PCDHGA3: variants seen among roughly 807,000 people sequenced by gnomAD.
PCDHGA3 encodes protocadherin gamma-A3.
In PCDHGA3, 40 loss-of-function variants were observed where a neutral mutation model predicts 58.5. The ratio of observed to expected loss-of-function variants is 0.68; its 90% CI spans 0.53 to 0.89. The LOEUF (loss-of-function observed/expected upper bound fraction) is 0.89. Among genes scored for constraint, PCDHGA3 ranks in the 40% least tolerant of loss-of-function variants. PCDHGA3 has a pLI of 0.00. For synonymous variants in PCDHGA3, 530 were observed against 525.7 expected (o/e 1.01, Z -0.11); for missense variants, 1,223 against 1,195.9 (o/e 1.02, Z -0.33).
chr5:141,445,188 G>A (rs1267342449), intron 1 of PCDHGA3, among the ~76,000 whole-genome samples: 5 of 152,198 alleles, frequency 3.3e-5, no homozygotes, highest in South Asian at 2.1e-4. Flanking sequence ...ATGTTTTTAT[G>A]TATTCTATAT....
intron 1 of PCDHGA3, chr5:141,384,060 A>G (rs1453253478): frequency 6.2e-7 from 1 of 1,609,266 alleles, no homozygotes; most frequent in Non-Finnish European, 8.5e-7. Context: ...GCACCATTCC[A>G]GAAAACCTAC....
chr5:141,353,389 T>C (rs1759266396), intron 1 of PCDHGA3, among the ~76,000 whole-genome samples: 1 of 152,234 alleles, frequency 6.6e-6, no homozygotes, highest in East Asian at 1.9e-4. Flanking sequence ...AATGTAATTA[T>C]GTAATTAATG....
chr5:141,463,910 A>G (rs2099071862), intron 1 of PCDHGA3, among the ~76,000 whole-genome samples: 1 of 152,178 alleles, frequency 6.6e-6, no homozygotes, highest in Admixed American at 6.5e-5. Flanking sequence ...CTAATAATAT[A>G]TCCTGGAAAT....
intron 1 of PCDHGA3, chr5:141,414,536 C>T (rs2095757034): frequency 6.2e-7 from 1 of 1,613,976 alleles, no homozygotes; most frequent in African/African-American, 1.3e-5. Context: ...GACAACCCAC[C>T]TACCTTCTCT....
intron 1 of PCDHGA3, chr5:141,421,587 G>A: frequency 1.2e-6 from 2 of 1,613,900 alleles, no homozygotes; most frequent in South Asian, 1.1e-5. Context: ...TTTACGGAGT[G>A]GAGGTGGAAA....
At position 141,414,415 on chromosome 5, in the gene PCDHGA3, C is replaced by T. The variant is rs769791452; in HGVS notation, c.2424+67958C>T. ...TTACAGATTGGTGATACACAGAGCC[C>T]TTGACAGGGAACAGGTATCCTCTTA... On this transcript the variant is annotated intron_variant, in intron 1 of 3. Coordinates refer to ENST00000253812, the MANE Select transcript of PCDHGA3 (RefSeq NM_018916.4). The T allele has an allele frequency of 2.5e-6, 4 of 1,613,758 alleles. No individual in the cohort carries two copies. Among genetic ancestry groups the T allele is most frequent in the Non-Finnish European group, 8.5e-7 (1 of 1,179,880 alleles).
At position 141,390,009 on chromosome 5, in the gene PCDHGA3, A is replaced by G. The variant is rs200734314; in HGVS notation, c.2424+43552A>G. The G allele has an allele frequency of 4.0e-3, 6,510 of 1,613,890 alleles. 27 individuals carry two copies. Among genetic ancestry groups the G allele is most frequent in the Non-Finnish European group, 4.8e-3 (5,639 of 1,179,872 alleles). ...CTTCCTCGTGGCCATGATTCTGGCCATTGCCTTGCGCCTGCGACGCTCCTC... is the reference window on the plus strand; with the variant it reads ...CTTCCTCGTGGCCATGATTCTGGCCGTTGCCTTGCGCCTGCGACGCTCCTC... On this transcript the variant is annotated intron_variant, in intron 1 of 3. Coordinates refer to ENST00000253812, the MANE Select transcript of PCDHGA3 (RefSeq NM_018916.4).
chr5:141,432,449 T>C lies in PCDHGA3; in HGVS notation c.2425-62358T>C. 5.6e-6 allele frequency: 9 copies of C among 1,614,220 alleles called. No individual in the cohort carries two copies. The highest frequency in any genetic ancestry group is 7.6e-6 in the Non-Finnish European group (9 of 1,180,038). On this transcript the variant is annotated intron_variant, in intron 1 of 3. Coordinates refer to ENST00000253812, the MANE Select transcript of PCDHGA3 (RefSeq NM_018916.4). The surrounding 1 kb of genome is among the most constrained non-coding windows in gnomAD (Gnocchi z 6.0). The stretch of plus-strand genomic sequence containing the variant: ...GAACGACAATGCGCCCGAGATCCTG[T>C]ACCCCGCCCTCCCCACGGACGGTTC...
chr5:141,400,502 A>C, intron 1 of PCDHGA3: 1 of 1,614,020 alleles, frequency 6.2e-7, no homozygotes, highest in Non-Finnish European at 8.5e-7. Flanking sequence ...AATTCCAGCG[A>C]GTCGACTTCC....
Position 141,489,092 on chromosome 5 carries a change from A to AATT in PCDHGA3, c.2425-5714_2425-5713insTTA. 2.9e-6 allele frequency: 1 copy of AATT among 348,332 alleles called. No individual in the cohort carries two copies. Among genetic ancestry groups the AATT allele is most frequent in the Non-Finnish European group, 4.7e-6 (1 of 214,538 alleles). 21.6% of individuals were successfully genotyped at this position (348,332 alleles called of 1,614,324 possible). A position where few individuals can be genotyped will look rare whatever the true frequency, so the allele number is the denominator to read the frequency against. On this transcript the variant is annotated intron_variant, in intron 1 of 3. Transcript: ENST00000253812. This position sits in a 1 kb window ranked among gnomAD's most constrained non-coding sequence, Gnocchi z 4.5. Reference sequence around the variant, plus strand: ...TGCCCACCCCCGCCACTCGGTGACTAAGAACTGCTGCAAGCAGGCAAACCT... The same window carrying AATT: ...TGCCCACCCCCGCCACTCGGTGACTAATTAGAACTGCTGCAAGCAGGCAAACCT...
At chr5:141,409,538 A>G (rs772375542) in intron 1 of PCDHGA3, 5 of 1,613,844 alleles carry the variant, frequency 3.1e-6, no homozygotes, top group Non-Finnish European at 4.2e-6. Flanking sequence ...CGCTGACATC[A>G]ACGACAACGC....
chr5:141,400,516 C>T, intron 1 of PCDHGA3: 2 of 1,613,964 alleles, frequency 1.2e-6, no homozygotes, highest in African/African-American at 1.3e-5. Context: ...GACTTCCCAT[C>T]CTGAGTTGGT....
At chr5:141,442,033 G>T (rs2098292928) in intron 1 of PCDHGA3, 1 of 209,534 alleles carries the variant, frequency 4.8e-6, no homozygotes, top group Non-Finnish European at 9.8e-6. Context: ...AAAGCGACTC[G>T]CCAGCGCCTA....
intron 1 of PCDHGA3, among the ~76,000 whole-genome samples, chr5:141,430,213 A>G (rs892801149): frequency 6.6e-6 from 1 of 151,106 alleles, no homozygotes; most frequent in Non-Finnish European, 1.5e-5. Context: ...AAATTATTAT[A>G]TTATATGATT....
intron 1 of PCDHGA3, chr5:141,377,804 G>A (rs1588845842): frequency 6.6e-6 from 1 of 152,230 alleles, no homozygotes; most frequent in Middle Eastern, 3.4e-3. Flanking sequence ...GTAACTATCT[G>A]TTATTTACTT....
At chr5:141,385,050 G>C in intron 1 of PCDHGA3, 1 of 1,614,164 alleles carries the variant, frequency 6.2e-7, no homozygotes, top group Non-Finnish European at 8.5e-7. Flanking sequence ...TCAGGCTGCG[G>C]CGCTGGCACA....
intron 2 of PCDHGA3, among the ~76,000 whole-genome samples, chr5:141,496,279 G>C (rs902362885): frequency 1.3e-5 from 2 of 152,198 alleles, no homozygotes; most frequent in Non-Finnish European, 2.9e-5. Context: ...ACCTTCAGTT[G>C]GTCTGAGCAG....
chr5:141,469,036 G>T (rs1396748159), intron 1 of PCDHGA3, among the ~76,000 whole-genome samples: 2 of 152,076 alleles, frequency 1.3e-5, no homozygotes, highest in Non-Finnish European at 2.9e-5. Flanking sequence ...CAGCACTTTG[G>T]GAGGCCAAGG....
intron 1 of PCDHGA3, among the ~76,000 whole-genome samples, chr5:141,380,688 T>C (rs1176696155): frequency 6.6e-6 from 1 of 152,260 alleles, no homozygotes; most frequent in Non-Finnish European, 1.5e-5. Flanking sequence ...TGCTTTGTGT[T>C]CGGAGTAGTC....
Sources: allele counts gnomAD v4.1 joint callset (sites outside exome capture counted in the v4.1 genomes callset), GRCh38; gene constraint gnomAD v4.1.1; non-coding constraint Gnocchi (gnomAD v3.1); transcripts MANE v1.5; gene names NCBI Gene and HGNC (gene_info 2026-07-23, HGNC 2026-07-21).